ZYG11A: variants seen among roughly 807,000 people sequenced by gnomAD.
ZYG11A encodes protein zyg-11 homolog A.
A neutral mutation model predicts 77.2 loss-of-function variants in ZYG11A; 62 were observed. That is an observed-to-expected ratio of 0.80 (90% CI 0.65 to 0.99). ZYG11A has a LOEUF of 0.99. Among genes scored for constraint, ZYG11A ranks in the 50% least tolerant of loss-of-function variants. The pLI, the probability that ZYG11A is intolerant of heterozygous loss-of-function variation, is 0.00. For missense variants in ZYG11A, 828 were observed against 896.8 expected, an observed-to-expected ratio of 0.92 and a Z score of 0.98; for synonymous variants, 315 against 324.6, an observed-to-expected ratio of 0.97 and a Z score of 0.32.
At position 52,864,047 on chromosome 1, in the gene ZYG11A, G is replaced by T; in HGVS notation, c.1216G>T (p.Ala406Ser). 6.4e-7 allele frequency: 1 copy of T among 1,551,818 alleles called. No individual in the cohort carries two copies. The highest frequency in any genetic ancestry group is 8.7e-7 in the Non-Finnish European group (1 of 1,147,030). ...LRVQFTASAC[A>S]LNLTRQGLAK... ...AGTGCAGTTCACAGCCAGTGCTTGC[G>T]CTCTCAACCTAACACGCCAGGGCCT... Residue 406 changes from alanine to serine, a missense_variant, in exon 5 of 14, where the codon GCT becomes TCT. By Grantham distance (99) the Ala-to-Ser change is moderately conservative (BLOSUM62 1). Transcript: ENST00000371528.
chr1:52,856,473 AAAAAAT>A (rs1293538298), intron 2 of ZYG11A, among the ~76,000 whole-genome samples: 2 of 150,252 alleles, frequency 1.3e-5, no homozygotes, highest in Non-Finnish European at 2.9e-5. Flanking sequence ...AAAAAAAAAA[AAAAAAT>A]ATGTGTAGTA....
At chr1:52,855,547 G>A (rs1645794863) in intron 2 of ZYG11A, among the ~76,000 whole-genome samples, 1 of 152,160 alleles carries the variant, frequency 6.6e-6, no homozygotes, top group African/African-American at 2.4e-5. Flanking sequence ...CCTTGTGCCC[G>A]TTAGATTTTA....
intron 8 of ZYG11A, among the ~76,000 whole-genome samples, chr1:52,871,736 C>T (rs542979249): frequency 6.6e-6 from 1 of 152,186 alleles, no homozygotes; most frequent in African/African-American, 2.4e-5. Flanking sequence ...GATCTGTCCT[C>T]GGATTTCTTT....
Position 52,888,769 on chromosome 1 carries a change from C to T in ZYG11A, c.2104+1716C>T, listed in dbSNP as rs1185036131. Among the ~76,000 whole-genome samples, 7 of 152,320 alleles carry T rather than the reference C, an allele frequency of 4.6e-5. No individual in the cohort carries two copies. In the East Asian group the frequency reaches 1.3e-3, roughly 29 times the overall value. ...GCAGGAATTCAAGGCCACAGTGAGC[C>T]ATGATCAGGCAACTGCCTACTTCCA... On this transcript the variant is annotated intron_variant, in intron 13 of 13. Coordinates refer to ENST00000371528, the MANE Select transcript of ZYG11A (RefSeq NM_001004339.3).
chr1:52,866,429 C>G lies in ZYG11A; in HGVS notation c.1327-74C>G, dbSNP rs1646028391. 3.5e-6 allele frequency: 3 copies of G among 856,540 alleles called. No individual in the cohort carries two copies. In the African/African-American group the frequency reaches 5.1e-5, roughly 15 times the overall value. The allele number at this position is 856,540 out of a possible 1,614,324, so 53.1% of individuals were successfully genotyped here. ...TAAGAAAAGCTCACTAGTAATACTT[C>G]CAAATACATGGAATCTTTGTTTAGA... On this transcript the variant is annotated intron_variant, in intron 5 of 13. Transcript: ENST00000371528.
chr1:52,867,615 G>A lies in ZYG11A; in HGVS notation c.1468G>A (p.Val490Ile), dbSNP rs773491984. The change falls in exon 7 of 14, where the codon GTC (valine) becomes ATC (isoleucine). Residue 490 changes from valine (V) to isoleucine (I), a missense_variant. Transcript: ENST00000371528. Reference protein sequence around the residue: ...NPKMQTMAVSVTSILALQLSP... With the variant: ...NPKMQTMAVSITSILALQLSP... ...CAAGATGCAAACAATGGCAGTGAGT[G>A]TCACCTCTATTCTGGCTCTGCAGGT... The A allele has an allele frequency of 1.6e-5, 25 of 1,552,116 alleles. 1 individual carries two copies. The South Asian group carries it at 2.9e-4, about 18-fold the overall frequency.
At chr1:52,885,004 C>T (rs990845420) in intron 11 of ZYG11A, among the ~76,000 whole-genome samples, 1 of 151,908 alleles carries the variant, frequency 6.6e-6, no homozygotes, top group East Asian at 1.9e-4. Context: ...TGCCTCCTGG[C>T]TTCAAGCGAT....
chr1:52,862,548 G>GTGA (rs1645949825), intron 4 of ZYG11A, among the ~76,000 whole-genome samples: 1 of 151,800 alleles, frequency 6.6e-6, no homozygotes. Context: ...TCCTGACCTC[G>GTGA]TGATCCGCCC....
intron 8 of ZYG11A, among the ~76,000 whole-genome samples, chr1:52,873,590 T>G (rs903371533): frequency 2.0e-5 from 3 of 152,164 alleles, no homozygotes; most frequent in Non-Finnish European, 4.4e-5. Flanking sequence ...TGGTGAAGAT[T>G]CTGTGAACAT....
intron 8 of ZYG11A, among the ~76,000 whole-genome samples, chr1:52,868,244 G>A (rs1160014779): frequency 6.6e-6 from 1 of 151,970 alleles, no homozygotes; most frequent in African/African-American, 2.4e-5. Flanking sequence ...GATTACAGGC[G>A]TGAGCCACCA....
intron 1 of ZYG11A, among the ~76,000 whole-genome samples, chr1:52,849,003 G>C (rs1010907546): frequency 6.6e-6 from 1 of 152,124 alleles, no homozygotes; most frequent in Non-Finnish European, 1.5e-5. Flanking sequence ...CCAAGTATAA[G>C]ACGTTGTCCT....
intron 1 of ZYG11A, among the ~76,000 whole-genome samples, chr1:52,843,683 T>C (rs1645500415): frequency 8.0e-6 from 1 of 124,856 alleles, no homozygotes; most frequent in Admixed American, 7.8e-5. Context: ...TTCTTTTCTT[T>C]CTTTCTTTTT....
At chr1:52,884,543 A>G (rs1428955490) in intron 11 of ZYG11A, among the ~76,000 whole-genome samples, 2 of 151,588 alleles carry the variant, frequency 1.3e-5, no homozygotes, top group Admixed American at 6.6e-5. Context: ...AATCCCAGCT[A>G]CTTGGGAGGC....
chr1:52,854,837 G>A (rs890484944), intron 2 of ZYG11A, among the ~76,000 whole-genome samples: 2 of 151,520 alleles, frequency 1.3e-5, no homozygotes, highest in African/African-American at 4.8e-5. Context: ...CTTCACTTAC[G>A]TAAAGTTATC....
chr1:52,865,484 A>T (rs955578084), intron 5 of ZYG11A, among the ~76,000 whole-genome samples: 1 of 152,226 alleles, frequency 6.6e-6, no homozygotes, highest in African/African-American at 2.4e-5. Context: ...ACTGAAGATA[A>T]ATGAAAGCAT....
At chr1:52,869,501 C>T in intron 8 of ZYG11A, among the ~76,000 whole-genome samples, 1 of 151,616 alleles carries the variant, frequency 6.6e-6, no homozygotes, top group East Asian at 1.9e-4. Flanking sequence ...CTTGCACCGC[C>T]CTTAATCCAT....
chr1:52,886,527 C>A (rs59607501), intron 12 of ZYG11A, among the ~76,000 whole-genome samples: 9 of 150,276 alleles, frequency 6.0e-5, no homozygotes, highest in Middle Eastern at 6.8e-3. Flanking sequence ...TTTGAAAATT[C>A]TTTTTTTTTC....
chr1:52,854,091 T>C, intron 1 of ZYG11A, among the ~76,000 whole-genome samples: 1 of 152,294 alleles, frequency 6.6e-6, no homozygotes, highest in East Asian at 1.9e-4. Context: ...AAAGGATTTA[T>C]ACTGTATTAG....
chr1:52,877,300 C>A (rs1646278708), intron 8 of ZYG11A, among the ~76,000 whole-genome samples: 1 of 152,084 alleles, frequency 6.6e-6, no homozygotes, highest in Admixed American at 6.6e-5. Context: ...ATTTAAAATT[C>A]TTTTATTTAA....
Sources: gnomAD v4.1 joint callset for allele counts (sites outside exome capture counted in the v4.1 genomes callset) on GRCh38, gnomAD v4.1.1 for gene constraint, MANE v1.5 for transcripts, NCBI Gene and HGNC (gene_info 2026-07-23, HGNC 2026-07-21) for gene names.